Variants in UBASH3B observed in about 807,000 individuals in gnomAD.
UBASH3B encodes the protein ubiquitin associated and SH3 domain containing B.
In UBASH3B, 37 loss-of-function variants were observed where a neutral mutation model predicts 83.4. The ratio of observed to expected loss-of-function variants is 0.44; its 90% confidence interval spans 0.34 to 0.58. The LOEUF (loss-of-function observed/expected upper bound fraction) is 0.58. UBASH3B is among the 20% of genes least tolerant of loss of function. UBASH3B has a pLI of 0.01. For missense variants in UBASH3B, 657 were observed against 827.2 expected (o/e 0.79, Z 2.52); for synonymous variants, 304 against 318.3 (o/e 0.96, Z 0.48).
At chr11:122,794,245 G>A (rs528484380) in intron 6 of UBASH3B, among the ~76,000 whole-genome samples, 5 of 151,810 alleles carry the variant, frequency 3.3e-5, no homozygotes, top group Admixed American at 2.6e-4. Context: ...TCGCCGTATC[G>A]CCCGGGCTGG....
At chr11:122,656,972 G>A (rs1863372972) in intron 1 of UBASH3B, among the ~76,000 whole-genome samples, 1 of 152,236 alleles carries the variant, frequency 6.6e-6, no homozygotes, top group Admixed American at 6.5e-5. Context: ...AGCCTGCTGG[G>A]GAGAGGCCTG....
chr11:122,656,281 C>T, intron 1 of UBASH3B, 71 bp downstream of exon 1: 1 of 1,288,682 alleles, frequency 7.8e-7, no homozygotes, highest in Non-Finnish European at 9.9e-7. Context: ...TTCGCTCCGG[C>T]TCGCCTCCCA....
At chr11:122,794,562 CCA>C (rs1007577616) in intron 6 of UBASH3B, 138 bp from the exon 7 acceptor site, 11 of 1,052,620 alleles carry the variant, frequency 1.0e-5, no homozygotes, top group Non-Finnish European at 1.4e-5. Flanking sequence ...AGGAATGAGG[CCA>C]CTCCTGCTCA....
At chr11:122,670,137 C>G (rs961217057) in intron 1 of UBASH3B, among the ~76,000 whole-genome samples, 1 of 152,070 alleles carries the variant, frequency 6.6e-6, no homozygotes, top group Non-Finnish European at 1.5e-5. Flanking sequence ...GGTTATCACA[C>G]TTTCTGGAAT....
At chr11:122,674,883 C>T (rs978009001) in intron 1 of UBASH3B, among the ~76,000 whole-genome samples, 6 of 152,056 alleles carry the variant, frequency 3.9e-5, no homozygotes, top group African/African-American at 1.5e-4. Flanking sequence ...CGTGCACCAT[C>T]ATACCCGGCT....
chr11:122,671,749 C>T (rs540793249), intron 1 of UBASH3B, among the ~76,000 whole-genome samples: 7 of 152,138 alleles, frequency 4.6e-5, no homozygotes, highest in African/African-American at 1.2e-4. Flanking sequence ...CCAGGAAAAC[C>T]GCCTCGGTGA....
intron 1 of UBASH3B, among the ~76,000 whole-genome samples, chr11:122,742,024 T>C (rs1446474217): frequency 6.6e-6 from 1 of 152,210 alleles, no homozygotes; most frequent in Non-Finnish European, 1.5e-5. Context: ...AGCAGAATCC[T>C]GAGGACCCCT....
intron 1 of UBASH3B, among the ~76,000 whole-genome samples, chr11:122,754,922 GTCC>G (rs1861259679): frequency 6.6e-6 from 1 of 152,136 alleles, no homozygotes; most frequent in African/African-American, 2.4e-5. Flanking sequence ...CACCAGCTCG[GTCC>G]TCCTCCTAGA....
chr11:122,727,266 G>C (rs1860758138), intron 1 of UBASH3B, among the ~76,000 whole-genome samples: 2 of 152,184 alleles, frequency 1.3e-5, no homozygotes, highest in South Asian at 4.1e-4. Context: ...GAGCCACACA[G>C]AAGCTTTAAG....
chr11:122,720,245 ACT>A (rs1860600365), intron 1 of UBASH3B, among the ~76,000 whole-genome samples: 1 of 152,028 alleles, frequency 6.6e-6, no homozygotes, highest in Non-Finnish European at 1.5e-5. Context: ...AAGCAGGATA[ACT>A]CTTTCTTCCA....
rs184037406 is a variant in UBASH3B, at chr11:122,758,542, C to T, written c.162-17677C>T. Among the ~76,000 whole-genome samples the T allele has an allele frequency of 1.3e-5, 2 of 152,290 alleles. No homozygotes were observed. The highest frequency in any genetic ancestry group is 1.3e-4 in the Admixed American group (2 of 15,304). ...GGGGGCGGAGGGGGCACCCAGTGGCCGTAGAACACCGACCCTGTGCCAAAC... is the reference window on the plus strand; with the variant it reads ...GGGGGCGGAGGGGGCACCCAGTGGCTGTAGAACACCGACCCTGTGCCAAAC... On this transcript the variant is annotated intron_variant, in intron 1 of 13. Transcript: ENST00000284273. The surrounding 1 kb of genome is among the most constrained non-coding windows in gnomAD (Gnocchi z 4.2).
intron 1 of UBASH3B, among the ~76,000 whole-genome samples, chr11:122,770,176 C>G (rs1187246293): frequency 6.6e-6 from 1 of 152,216 alleles, no homozygotes; most frequent in Non-Finnish European, 1.5e-5. Context: ...GTGAGTCCAC[C>G]AGCAATGCAA....
intron 1 of UBASH3B, among the ~76,000 whole-genome samples, chr11:122,678,808 A>C (rs998900122): frequency 6.6e-6 from 1 of 152,224 alleles, no homozygotes; most frequent in Admixed American, 6.5e-5. Flanking sequence ...AGCTTAGAGC[A>C]AAGGAACCGC....
At chr11:122,771,748 A>AACACACAC (rs58950220) in intron 1 of UBASH3B, among the ~76,000 whole-genome samples, 437 of 147,230 alleles carry the variant, frequency 3.0e-3, no homozygotes, top group African/African-American at 8.6e-3. Flanking sequence ...GCTGTGTTAA[A>AACACACAC]ACACACACAC....
rs1242063336 is a variant in UBASH3B at position 122,789,162 on chromosome 11, G to A, written c.834G>A (p.Gly278=). ...ACGATGAGCTGGAGCTGGTCCCCGG[G>A]GACTTCATCTTCATGTCTCCAATGG... ...QNDDELELVP[G]DFIFMSPMEQ... Residue 278 remains glycine (G), a synonymous_variant, in exon 6 of 14, where the codon GGG becomes GGA. Transcript: ENST00000284273. The A allele has an allele frequency of 6.2e-7, 1 of 1,613,988 alleles. No homozygotes were observed. Among genetic ancestry groups the A allele is most frequent in the East Asian group, 2.2e-5 (1 of 44,884 alleles).
At chr11:122,753,218 C>A (rs141454472) in intron 1 of UBASH3B, among the ~76,000 whole-genome samples, 63 of 151,392 alleles carry the variant, frequency 4.2e-4, no homozygotes, top group African/African-American at 1.5e-3. Flanking sequence ...CCGAGGCGGG[C>A]GGATCACCTA....
chr11:122,777,362 TC>T, intron 3 of UBASH3B, 152 bp downstream of exon 3: 2 of 861,532 alleles, frequency 2.3e-6, no homozygotes, highest in Non-Finnish European at 3.4e-6. Context: ...ATCAGTGAGG[TC>T]CACAATGGGC....
intron 1 of UBASH3B, among the ~76,000 whole-genome samples, chr11:122,734,184 C>T (rs1860894760): frequency 6.6e-6 from 1 of 152,096 alleles, no homozygotes; most frequent in Admixed American, 6.6e-5. Context: ...CCACGCCCAG[C>T]CAAAATTGAA....
At chr11:122,666,255 C>T (rs1863516731) in intron 1 of UBASH3B, among the ~76,000 whole-genome samples, 1 of 152,242 alleles carries the variant, frequency 6.6e-6, no homozygotes, top group Admixed American at 6.5e-5. Flanking sequence ...AGAGAGCGTT[C>T]GCTCCCTAAG....
Sources: allele counts gnomAD v4.1 joint callset (sites outside exome capture counted in the v4.1 genomes callset), GRCh38; gene constraint gnomAD v4.1.1; non-coding constraint Gnocchi (gnomAD v3.1); transcripts MANE v1.5; gene names NCBI Gene and HGNC (gene_info 2026-07-23, HGNC 2026-07-21).